Variants in ESS2 observed in about 807,000 individuals in gnomAD.
ESS2 encodes the protein ess-2 spliceosome associated protein, also known as splicing factor ESS-2 homolog.
In ESS2, 31 loss-of-function variants were observed where a neutral mutation model predicts 52.0. That is an observed-to-expected ratio of 0.60 (90% CI 0.45 to 0.81). ESS2 has a LOEUF of 0.81. Ranked by LOEUF, ESS2 falls within the 30% of genes least tolerant of loss-of-function variation. The pLI is 0.00. For synonymous variants in ESS2, 285 were observed against 259.2 expected, an observed-to-expected ratio of 1.10 and a Z score of -0.95; for missense variants, 602 against 637.2, an observed-to-expected ratio of 0.94 and a Z score of 0.59.
In ESS2 at chr22:19,132,685, A is replaced by G. The variant is rs984846751; in HGVS notation, c.*1511T>C. On this transcript the variant is annotated 3_prime_UTR_variant, in exon 10 of 10. Coordinates refer to ENST00000252137, the MANE Select transcript of ESS2 (RefSeq NM_022719.3). This position sits in a 1 kb window ranked among gnomAD's most constrained non-coding sequence, Gnocchi z 4.2. ...TTCCTTACTGACCACCAAATAAACC[A>G]CAGGGTGTGTGCAAGCATCAAGAGT... 6.8e-6 allele frequency: 4 copies of G among 588,296 alleles called. No homozygotes were observed. Among genetic ancestry groups the G allele is most frequent in the Non-Finnish European group, 9.0e-6 (3 of 331,820 alleles). 36.4% of individuals were successfully genotyped at this position (588,296 alleles called of 1,614,324 possible). A position where few individuals can be genotyped will look rare whatever the true frequency, so the allele number is the denominator to read the frequency against.
chr22:19,144,621 G>A lies in ESS2; in HGVS notation c.20C>T (p.Ser7Leu), dbSNP rs145030716. The A allele has an allele frequency of 2.1e-5, 32 of 1,543,048 alleles. No homozygotes were observed. The African/African-American group carries it at 2.8e-4, about 13-fold the overall frequency. Residue 7 changes from serine (S) to leucine (L), a missense_variant, in exon 1 of 10, where the codon TCA (serine) becomes TTA (leucine). Transcript: ENST00000252137. METPGASASSLLLPAAS... is the reference protein window; with the variant it reads METPGALASSLLLPAAS... ...GGCGGGAAGCAACAAGGACGACGCTGATGCGCCCGGCGTCTCCATCGCTAT... is the reference window on the plus strand; with the variant it reads ...GGCGGGAAGCAACAAGGACGACGCTAATGCGCCCGGCGTCTCCATCGCTAT...
Position 19,132,030 on chromosome 22 carries a change from T to G in ESS2, c.*2166A>C, listed in dbSNP as rs1569102880. The stretch of plus-strand genomic sequence containing the variant: ...GGGCGTGATCCTGTACATCATGGTC[T>G]GCGGCTCCATGCCCTATGACGACTC... On this transcript the variant is annotated 3_prime_UTR_variant, in exon 10 of 10. Transcript: ENST00000252137. This position sits in a 1 kb window ranked among gnomAD's most constrained non-coding sequence, Gnocchi z 4.2. The G allele has an allele frequency of 6.2e-7, 1 of 1,614,132 alleles. No homozygotes were observed. Among genetic ancestry groups the G allele is most frequent in the East Asian group, 2.2e-5 (1 of 44,874 alleles).
At chr22:19,141,684 T>C (rs941157235) in intron 3 of ESS2, among the ~76,000 whole-genome samples, 6 of 152,172 alleles carry the variant, frequency 3.9e-5, no homozygotes, top group Admixed American at 6.5e-5. Flanking sequence ...TAAACAGAAA[T>C]GCCTTTAAAA....
chr22:19,144,620 T>C lies in ESS2; in HGVS notation c.21A>G (p.Ser7=). The C allele has an allele frequency of 1.3e-6, 2 of 1,546,536 alleles. No individual in the cohort carries two copies. Among genetic ancestry groups the C allele is most frequent in the East Asian group, 2.4e-5 (1 of 40,954 alleles). Residue 7 remains serine (S), a synonymous_variant, in exon 1 of 10, where the codon TCA becomes TCG. Transcript: ENST00000252137. METPGA[S]ASSLLLPAAS... is the part of the protein sequence containing the mutation. ...CGGCGGGAAGCAACAAGGACGACGC[T>C]GATGCGCCCGGCGTCTCCATCGCTA...
intron 1 of ESS2, 119 bp from the exon 2 acceptor site, chr22:19,143,013 T>C: frequency 1.0e-6 from 1 of 970,212 alleles, no homozygotes; most frequent in Non-Finnish European, 1.5e-6. Flanking sequence ...AAGACCAGCC[T>C]GGCCAACATG....
At position 19,144,486 on chromosome 22, in the gene ESS2, C is replaced by G; in HGVS notation, c.135+20G>C. 6.2e-7 allele frequency: 1 copy of G among 1,611,406 alleles called. No individual in the cohort carries two copies. The highest frequency in any genetic ancestry group is 8.5e-7 in the Non-Finnish European group (1 of 1,179,182). On this transcript the variant is annotated intron_variant, in intron 1 of 9. Transcript: ENST00000252137. ...AGAGGATGGGCCCAGAAGTCGCCGG[C>G]GTCCGCACCGAGGTCGTACCTCGAT...
At position 19,139,682 on chromosome 22, in the gene ESS2, G is replaced by A. The variant is rs190270077; in HGVS notation, c.618C>T (p.Ile206=). The change falls in exon 5 of 10, where the codon ATC becomes ATT. Residue 206 remains isoleucine (I), a synonymous_variant. Transcript: ENST00000252137. The part of the protein sequence containing the change: ...LELPSAEHQA[I]ESSQASVETW... ...TCTCCACACTGGCCTGGCTGCTCTC[G>A]ATGGCCTGGTGCTCTGCTGACGGGA... is the stretch of plus-strand genomic sequence containing the variant. 2.0e-5 allele frequency: 32 copies of A among 1,614,194 alleles called. No homozygotes were observed. In the African/African-American group the frequency reaches 2.3e-4, roughly 11 times the overall value.
Position 19,132,285 on chromosome 22 carries a change from G to C in ESS2, c.*1911C>G. On this transcript the variant is annotated 3_prime_UTR_variant, in exon 10 of 10. Coordinates refer to ENST00000252137, the MANE Select transcript of ESS2 (RefSeq NM_022719.3). The surrounding 1 kb of genome is among the most constrained non-coding windows in gnomAD (Gnocchi z 4.2). ...GGAGGGGGAGGGCAAGTACCGCGCT[G>C]AGTGCAAACTGGACACCAAGACAGG... The C allele has an allele frequency of 4.3e-6, 7 of 1,613,578 alleles. No individual in the cohort carries two copies. The highest frequency in any genetic ancestry group is 5.9e-6 in the Non-Finnish European group (7 of 1,180,000).
In ESS2 at chr22:19,135,970, C is replaced by T. The variant is rs561946414; in HGVS notation, c.1036-795G>A. On this transcript the variant is annotated intron_variant, in intron 8 of 9. Transcript: ENST00000252137. ...ATTTGAGCCCAGGAGCTCAATGTTACAATCAGCTATGATTGCACCACTGTT... is the reference window on the plus strand; with the variant it reads ...ATTTGAGCCCAGGAGCTCAATGTTATAATCAGCTATGATTGCACCACTGTT... Among the ~76,000 whole-genome samples the T allele has an allele frequency of 5.0e-5, 7 of 139,784 alleles. No individual in the cohort carries two copies. In the South Asian group the frequency reaches 9.6e-4, roughly 19 times the overall value. The allele number at this position is 139,784 out of a possible 152,430, so 91.7% of individuals were successfully genotyped here. A position where few individuals can be genotyped will look rare whatever the true frequency, so the allele number is the denominator to read the frequency against.
At position 19,131,406 on chromosome 22, in the gene ESS2, G is replaced by C; in HGVS notation, c.*2790C>G. ...GCCAGTCGCTCCTGGCACCATGGAC[G>C]ATGCCACAGTCCTAAGGAAGAAGGG... On this transcript the variant is annotated 3_prime_UTR_variant, in exon 10 of 10. Coordinates refer to ENST00000252137, the MANE Select transcript of ESS2 (RefSeq NM_022719.3). The surrounding 1 kb of genome is among the most constrained non-coding windows in gnomAD (Gnocchi z 5.7). The C allele has an allele frequency of 6.3e-7, 1 of 1,597,340 alleles. No homozygotes were observed. Among genetic ancestry groups the C allele is most frequent in the Non-Finnish European group, 8.5e-7 (1 of 1,170,110 alleles).
chr22:19,143,968 A>C, intron 1 of ESS2: 3 of 917,846 alleles, frequency 3.3e-6, no homozygotes, highest in South Asian at 5.0e-5. Context: ...CCCGAGCTGC[A>C]TATCTGGGCA....
Position 19,138,260 on chromosome 22 carries a change from G to A in ESS2, c.880C>T (p.Arg294Ter), listed in dbSNP as rs2083619625. 1.9e-6 allele frequency: 3 copies of A among 1,613,888 alleles called. No individual in the cohort carries two copies. The highest frequency in any genetic ancestry group is 8.5e-7 in the Non-Finnish European group (1 of 1,179,958). Reference sequence around the variant, plus strand: ...GCAACAAATCCAAATCCACCCACTCGAGGGGACTCCTGGGGGATCAGCTCC... The same window carrying A: ...GCAACAAATCCAAATCCACCCACTCAAGGGGACTCCTGGGGGATCAGCTCC... ...GKELIPQESP[R>*]VGGFGFVATP... The change falls in exon 7 of 10, where the codon CGA becomes TGA. Residue 294 changes from arginine to a stop codon, truncating the protein, a stop_gained. Transcript: ENST00000252137. LOFTEE classifies it high-confidence loss of function.
At chr22:19,142,149 AG>A (rs2083697706) in intron 3 of ESS2, among the ~76,000 whole-genome samples, 1 of 152,246 alleles carries the variant, frequency 6.6e-6, no homozygotes, top group African/African-American at 2.4e-5. Context: ...AGAGATCTAC[AG>A]GAAGAAACAC....
chr22:19,134,761 C>T (rs540089426), intron 9 of ESS2, among the ~76,000 whole-genome samples: 16 of 152,226 alleles, frequency 1.1e-4, no homozygotes, highest in East Asian at 7.7e-4. Flanking sequence ...CCAAGGGGAA[C>T]GATGACTCTC....
In ESS2 at chr22:19,142,862, A is replaced by G. The variant is rs1407280587; in HGVS notation, c.168T>C (p.Phe56=). The change falls in exon 2 of 10, where the codon TTT becomes TTC. Residue 56 remains phenylalanine, a synonymous_variant. Transcript: ENST00000252137. ...GTGCCTGGAGCTTCTCCACATCAGG[A>G]AAGAAATCCCTTTGGATGACCGTCT... The part of the protein sequence containing the change: ...GLQTVIQRDF[F]PDVEKLQAQK... The G allele has an allele frequency of 1.2e-6, 2 of 1,613,998 alleles. No individual in the cohort carries two copies. Among genetic ancestry groups the G allele is most frequent in the South Asian group, 2.2e-5 (2 of 91,076 alleles).
At position 19,131,492 on chromosome 22, in the gene ESS2, T is replaced by C. The variant is rs763628494; in HGVS notation, c.*2704A>G. ...ACGCAAAAGTCAAATCTGCCTACTCTGAGCGCCTCAAGTTCAATGTGGCTG... is the reference window on the plus strand; with the variant it reads ...ACGCAAAAGTCAAATCTGCCTACTCCGAGCGCCTCAAGTTCAATGTGGCTG... On this transcript the variant is annotated 3_prime_UTR_variant, in exon 10 of 10. Coordinates refer to ENST00000252137, the MANE Select transcript of ESS2 (RefSeq NM_022719.3). This position sits in a 1 kb window ranked among gnomAD's most constrained non-coding sequence, Gnocchi z 5.7. The C allele has an allele frequency of 9.3e-6, 15 of 1,614,062 alleles. No homozygotes were observed. The highest frequency in any genetic ancestry group is 1.3e-5 in the African/African-American group (1 of 74,928).
At chr22:19,141,942 A>G (rs2083693533) in intron 3 of ESS2, among the ~76,000 whole-genome samples, 1 of 152,194 alleles carries the variant, frequency 6.6e-6, no homozygotes, top group Admixed American at 6.5e-5. Flanking sequence ...GTGAGCCGGG[A>G]TCACACCATT....
In ESS2 at chr22:19,139,895, C is replaced by T. The variant is rs146164647; in HGVS notation, c.530G>A (p.Arg177His). 13 of 1,614,014 alleles carry T rather than the reference C, an allele frequency of 8.1e-6. No homozygotes were observed. Among genetic ancestry groups the T allele is most frequent in the East Asian group, 2.2e-5 (1 of 44,888 alleles). ...MEVAKERSRARHAWLYQAEEE... is the reference protein window; with the variant it reads ...MEVAKERSRAHHAWLYQAEEE... ...CTCAGCCTGGTAGAGCCAAGCGTGGCGTGCCCGGCTTCTCTCCTTGGCCAC... is the reference window on the plus strand; with the variant it reads ...CTCAGCCTGGTAGAGCCAAGCGTGGTGTGCCCGGCTTCTCTCCTTGGCCAC... The change falls in exon 4 of 10, where the codon CGC becomes CAC. Residue 177 changes from arginine (R) to histidine (H), a missense_variant. Arg to His is a conservative substitution (Grantham distance 29, BLOSUM62 0). Transcript: ENST00000252137.
At position 19,133,734 on chromosome 22, in the gene ESS2, G is replaced by A. The variant is rs1165529730; in HGVS notation, c.*462C>T. On this transcript the variant is annotated 3_prime_UTR_variant, in exon 10 of 10. Transcript: ENST00000252137. Reference sequence around the variant, plus strand: ...CCCAGAGAAGCAGAAAGCACTGCAGGATGTGAGCTCAACTCAGAACACAGG... The same window carrying A: ...CCCAGAGAAGCAGAAAGCACTGCAGAATGTGAGCTCAACTCAGAACACAGG... The A allele has an allele frequency of 6.3e-6, 1 of 157,514 alleles. No individual in the cohort carries two copies. Among genetic ancestry groups the A allele is most frequent in the South Asian group, 2.1e-4 (1 of 4,870 alleles). The allele number at this position is 157,514 out of a possible 1,614,324, so 9.8% of individuals were successfully genotyped here.
Sources: gnomAD v4.1 joint callset for allele counts (sites outside exome capture counted in the v4.1 genomes callset) on GRCh38, gnomAD v4.1.1 for gene constraint, Gnocchi (gnomAD v3.1) non-coding constraint, MANE v1.5 for transcripts, NCBI Gene and HGNC (gene_info 2026-07-23, HGNC 2026-07-21) for gene names.